The following GRK5 variants were observed in gnomAD, a reference collection of about 807,000 sequenced individuals.
GRK5 encodes the protein G protein-coupled receptor kinase 5, also known as g protein-coupled receptor kinase GRK5.
Under a neutral mutation model 78.4 loss-of-function variants are expected in GRK5, and 40 were observed. That is an observed-to-expected ratio of 0.51 (90% confidence interval 0.40 to 0.66). GRK5 has a LOEUF of 0.66. Among genes scored for constraint, GRK5 ranks in the 30% least tolerant of loss-of-function variants. The pLI, the probability that GRK5 is intolerant of heterozygous loss-of-function variation, is 0.00. For missense variants in GRK5, 598 were observed against 759.9 expected (o/e 0.79, Z 2.50); for synonymous variants, 289 against 296.8 (o/e 0.97, Z 0.27).
intron 4 of GRK5, among the ~76,000 whole-genome samples, chr10:119,404,383 A>T (rs1202836489): frequency 6.6e-6 from 1 of 152,232 alleles, no homozygotes; most frequent in Non-Finnish European, 1.5e-5. Context: ...ATGTCAAGTC[A>T]TAAGAGTTCT....
At chr10:119,256,319 G>C (rs1441598503) in intron 1 of GRK5, among the ~76,000 whole-genome samples, 1 of 152,202 alleles carries the variant, frequency 6.6e-6, no homozygotes, top group Non-Finnish European at 1.5e-5. Context: ...GAGCTTGGGA[G>C]GGGGCGTGAA....
rs953397262 is a variant in GRK5 at position 119,253,440 on chromosome 10, C to T, written c.52+45471C>T. Among the ~76,000 whole-genome samples, 4 of 152,200 alleles carry T rather than the reference C, an allele frequency of 2.6e-5. No homozygotes were observed. Among genetic ancestry groups the T allele is most frequent in the African/African-American group, 9.7e-5 (4 of 41,442 alleles). ...TCCCCACCACCCCTGCCCTCCGTTC[C>T]TTTTATATTTAAATCAGAAGCTTAG... On this transcript the variant is annotated intron_variant, in intron 1 of 15. Transcript: ENST00000392870. This position sits in a 1 kb window ranked among gnomAD's most constrained non-coding sequence, Gnocchi z 5.7.
chr10:119,242,316 C>T (rs1279833419), intron 1 of GRK5, among the ~76,000 whole-genome samples: 2 of 151,814 alleles, frequency 1.3e-5, no homozygotes, highest in Admixed American at 6.6e-5. Context: ...TTAGTCTCAG[C>T]TCTGAGGGAT....
At chr10:119,346,120 C>G (rs1851087949) in intron 2 of GRK5, among the ~76,000 whole-genome samples, 1 of 152,146 alleles carries the variant, frequency 6.6e-6, no homozygotes, top group African/African-American at 2.4e-5. Context: ...GCCTCCTCCA[C>G]CTTTGTAAGC....
intron 1 of GRK5, among the ~76,000 whole-genome samples, chr10:119,274,954 G>T (rs1024286732): frequency 6.6e-6 from 1 of 152,206 alleles, no homozygotes. Flanking sequence ...ATTTTGCAAA[G>T]CAGTAAGAAC....
chr10:119,364,669 G>A (rs1206195603), intron 2 of GRK5, among the ~76,000 whole-genome samples: 1 of 152,162 alleles, frequency 6.6e-6, no homozygotes, highest in Non-Finnish European at 1.5e-5. Flanking sequence ...GGGCCCCCAT[G>A]AAGGCATCCT....
At chr10:119,270,853 G>GAA (rs1849571830) in intron 1 of GRK5, among the ~76,000 whole-genome samples, 1 of 152,106 alleles carries the variant, frequency 6.6e-6, no homozygotes, top group South Asian at 2.1e-4. Flanking sequence ...TAGTGCAAAG[G>GAA]AAAAAAACTC....
At chr10:119,438,116 C>T (rs1433323627) in intron 9 of GRK5, among the ~76,000 whole-genome samples, 1 of 152,274 alleles carries the variant, frequency 6.6e-6, no homozygotes, top group Non-Finnish European at 1.5e-5. Context: ...CTTCTTCTGT[C>T]GAGTTGCCAT....
At chr10:119,385,233 T>A (rs1430922216) in intron 3 of GRK5, among the ~76,000 whole-genome samples, 2 of 151,458 alleles carry the variant, frequency 1.3e-5, no homozygotes, top group African/African-American at 4.9e-5. Flanking sequence ...AGCAGAGCAG[T>A]GGCATGGTCT....
At chr10:119,402,628 G>A (rs770455907) in intron 4 of GRK5, among the ~76,000 whole-genome samples, 3 of 152,186 alleles carry the variant, frequency 2.0e-5, no homozygotes, top group East Asian at 1.9e-4. Context: ...TGAGGCAGGC[G>A]GATCACCTGA....
chr10:119,355,343 T>A (rs1851248807), intron 2 of GRK5, among the ~76,000 whole-genome samples: 1 of 152,232 alleles, frequency 6.6e-6, no homozygotes, highest in Non-Finnish European at 1.5e-5. Context: ...GTATAAATAA[T>A]GCTGCAATGA....
chr10:119,363,222 G>A (rs560632711), intron 2 of GRK5, among the ~76,000 whole-genome samples: 3 of 151,774 alleles, frequency 2.0e-5, no homozygotes, highest in East Asian at 1.9e-4. Context: ...CAGAGGTTGC[G>A]GTGAGCCAAG....
At chr10:119,399,206 A>T (rs778648291) in intron 4 of GRK5, among the ~76,000 whole-genome samples, 1 of 152,194 alleles carries the variant, frequency 6.6e-6, no homozygotes, top group East Asian at 1.9e-4. Context: ...AAGCCACACC[A>T]TATGTTACGG....
intron 2 of GRK5, among the ~76,000 whole-genome samples, chr10:119,363,144 G>A (rs1242416373): frequency 1.3e-5 from 2 of 152,122 alleles, no homozygotes; most frequent in African/African-American, 4.8e-5. Context: ...ATCTGGGAGT[G>A]GTGGCAGACG....
intron 2 of GRK5, among the ~76,000 whole-genome samples, chr10:119,351,426 A>G (rs1851183347): frequency 6.6e-6 from 1 of 152,130 alleles, no homozygotes; most frequent in Non-Finnish European, 1.5e-5. Flanking sequence ...GTGGTAGTGA[A>G]TAAGCCTCAC....
intron 3 of GRK5, among the ~76,000 whole-genome samples, chr10:119,394,371 G>GAT (rs1851976866): frequency 1.3e-5 from 1 of 79,144 alleles, no homozygotes; most frequent in Non-Finnish European, 2.8e-5. Flanking sequence ...GGTGTGTGTG[G>GAT]GTGTCGGTGT....
At chr10:119,415,139 T>C (rs1852425176) in intron 4 of GRK5, among the ~76,000 whole-genome samples, 1 of 149,166 alleles carries the variant, frequency 6.7e-6, no homozygotes, top group Admixed American at 6.7e-5. Flanking sequence ...ATGGCAGTGA[T>C]GATGAGAATG....
At chr10:119,220,432 G>C (rs1848639298) in intron 1 of GRK5, among the ~76,000 whole-genome samples, 1 of 152,216 alleles carries the variant, frequency 6.6e-6, no homozygotes, top group Non-Finnish European at 1.5e-5. Flanking sequence ...GGGTTACGGA[G>C]GTGAGGGCTA....
At chr10:119,252,043 G>A (rs1027814110) in intron 1 of GRK5, among the ~76,000 whole-genome samples, 2 of 152,174 alleles carry the variant, frequency 1.3e-5, no homozygotes, top group African/African-American at 2.4e-5. Flanking sequence ...GTACAATTCT[G>A]GCTCAGGTGA....
Sources: allele counts gnomAD v4.1 joint callset (sites outside exome capture counted in the v4.1 genomes callset), GRCh38; gene constraint gnomAD v4.1.1; non-coding constraint Gnocchi (gnomAD v3.1); transcripts MANE v1.5; gene names NCBI Gene and HGNC (gene_info 2026-07-23, HGNC 2026-07-21).